The following SUMF1 variants were observed in gnomAD, a reference collection of about 807,000 sequenced individuals.
SUMF1 encodes the protein formylglycine-generating enzyme.
A neutral mutation model predicts 47.6 loss-of-function variants in SUMF1; 48 were observed. The observed-to-expected ratio is 1.01, with a 90% confidence interval of 0.80 to 1.28. The LOEUF (loss-of-function observed/expected upper bound fraction) is 1.28, where lower values mean the gene tolerates loss of function less well. SUMF1 is among the 50% of genes most tolerant of loss of function. SUMF1 has a pLI of 0.00. For missense variants in SUMF1, 571 were observed against 485.4 expected (o/e 1.18, Z -1.66); for synonymous variants, 230 against 192.1 (o/e 1.20, Z -1.63).
rs187834086 is a variant in SUMF1 at position 4,347,739 on chromosome 3, A to G, written c.1014+28591T>C. On this transcript the variant is annotated intron_variant and NMD_transcript_variant, in intron 8 of 12. Transcript: ENST00000448413. The stretch of plus-strand genomic sequence containing the variant: ...ATTCAATAGGAAGAGAGGAAGTCAG[A>G]TTGTCTCTGTTTGCAGGTGACATGA... Among the ~76,000 whole-genome samples, 735 of 152,322 alleles carry G rather than the reference A, an allele frequency of 4.8e-3. 7 individuals are homozygous for G. The highest frequency in any genetic ancestry group is 0.017 in the African/African-American group (709 of 41,566).
At chr3:4,098,560 A>T (rs1692958592) in intron 8 of SUMF1, among the ~76,000 whole-genome samples, 1 of 152,166 alleles carries the variant, frequency 6.6e-6, no homozygotes, top group African/African-American at 2.4e-5. Context: ...AAAGCAAAAG[A>T]AACTGTCTAC....
At position 4,037,992 on chromosome 3, in the gene SUMF1, G is replaced by A. The variant is rs540339539; in HGVS notation, c.1191+30577C>T. On this transcript the variant is annotated intron_variant and NMD_transcript_variant, in intron 9 of 12. Transcript: ENST00000448413. The stretch of plus-strand genomic sequence containing the variant: ...AGGTGGCACTTAGATGTAGTGGTCA[G>A]TTAGCAGGTTCTTGCTCAGTTGCTG... Among the ~76,000 whole-genome samples, 5 of 152,270 alleles carry A rather than the reference G, an allele frequency of 3.3e-5. No homozygotes were observed. In the South Asian group the frequency reaches 8.3e-4, roughly 25 times the overall value.
In SUMF1 at chr3:4,083,191, G is replaced by C. The variant is rs78847185; in HGVS notation, c.1015-14446C>G. On this transcript the variant is annotated intron_variant and NMD_transcript_variant, in intron 8 of 12. Transcript: ENST00000448413. ...ACACCTCACTTTTGATTAAGAGATC[G>C]CAAACTGACTTGTTAATATTGTAAT... Among the ~76,000 whole-genome samples the C allele has an allele frequency of 2.2e-4, 34 of 152,118 alleles. 1 individual carries two copies. The highest frequency in any genetic ancestry group is 6.5e-5 in the Admixed American group (1 of 15,270).
intron 8 of SUMF1, among the ~76,000 whole-genome samples, chr3:4,173,624 C>A (rs1694882011): frequency 6.6e-6 from 1 of 152,082 alleles, no homozygotes; most frequent in Admixed American, 6.5e-5. Flanking sequence ...GATTTGGAAC[C>A]AATCCAAATG....
intron 8 of SUMF1, among the ~76,000 whole-genome samples, chr3:4,154,741 G>A (rs1469612637): frequency 1.3e-5 from 2 of 151,548 alleles, no homozygotes; most frequent in Non-Finnish European, 2.9e-5. Flanking sequence ...TCCATAGACT[G>A]ATAATTTTTA....
intron 9 of SUMF1, among the ~76,000 whole-genome samples, chr3:4,035,808 T>C (rs1230682886): frequency 6.6e-6 from 1 of 152,166 alleles, no homozygotes; most frequent in African/African-American, 2.4e-5. Flanking sequence ...AGATAGTAGG[T>C]GTCTGGTGCA....
chr3:4,058,161 T>C (rs1025382955), intron 9 of SUMF1, among the ~76,000 whole-genome samples: 2 of 152,212 alleles, frequency 1.3e-5, no homozygotes, highest in Admixed American at 6.6e-5. Context: ...ACACAGATAG[T>C]AGATGAGCAA....
chr3:4,232,289 G>A (rs1333318474), intron 8 of SUMF1, among the ~76,000 whole-genome samples: 6 of 152,100 alleles, frequency 3.9e-5, no homozygotes, highest in Non-Finnish European at 8.8e-5. Flanking sequence ...CAAGCACGTT[G>A]TTGCCAGAAC....
chr3:4,161,953 C>A (rs1360415214), intron 8 of SUMF1, among the ~76,000 whole-genome samples: 1 of 152,082 alleles, frequency 6.6e-6, no homozygotes, highest in Non-Finnish European at 1.5e-5. Context: ...TCACCCAAGG[C>A]CCACAGCATG....
chr3:4,270,065 A>G (rs1697273089), intron 8 of SUMF1, among the ~76,000 whole-genome samples: 2 of 152,186 alleles, frequency 1.3e-5, no homozygotes, highest in South Asian at 4.1e-4. Flanking sequence ...CATTTTATGT[A>G]TAAGAAAGCC....
At chr3:4,079,575 T>C (rs2648480) in intron 8 of SUMF1, among the ~76,000 whole-genome samples, 34,283 of 151,514 alleles carry the variant, frequency 0.23, 4,720 homozygotes, top group Middle Eastern at 0.31. Flanking sequence ...TGCTTAAGTT[T>C]GCACTAAATC....
chr3:4,170,475 T>C (rs754665490), intron 8 of SUMF1, among the ~76,000 whole-genome samples: 11 of 152,120 alleles, frequency 7.2e-5, no homozygotes, highest in Non-Finnish European at 1.2e-4. Context: ...AATTTAAGCG[T>C]GATGTAAGAC....
At chr3:4,146,408 G>A (rs560824464) in intron 8 of SUMF1, among the ~76,000 whole-genome samples, 34 of 152,040 alleles carry the variant, frequency 2.2e-4, no homozygotes, top group African/African-American at 7.2e-4. Context: ...AGAGGCGAGG[G>A]GGGGAAAGGT....
At chr3:4,459,785 T>C (rs1414276850) in intron 1 of SUMF1, among the ~76,000 whole-genome samples, 1 of 152,182 alleles carries the variant, frequency 6.6e-6, no homozygotes, top group Admixed American at 6.6e-5. Flanking sequence ...TAATTGGTGT[T>C]CCTGTCTTCA....
intron 8 of SUMF1, among the ~76,000 whole-genome samples, chr3:4,097,836 C>A (rs1243540656): frequency 6.6e-6 from 1 of 152,116 alleles, no homozygotes; most frequent in Non-Finnish European, 1.5e-5. Context: ...GGACCTAAAG[C>A]TTTAGCTCCA....
intron 8 of SUMF1, among the ~76,000 whole-genome samples, chr3:4,153,549 G>C (rs1452179978): frequency 3.4e-5 from 5 of 145,860 alleles, no homozygotes; most frequent in African/African-American, 5.1e-5. Flanking sequence ...TGTATTTCCA[G>C]TTTTTCCACT....
intron 8 of SUMF1, among the ~76,000 whole-genome samples, chr3:4,136,149 A>C (rs1693923377): frequency 6.6e-6 from 1 of 152,158 alleles, no homozygotes; most frequent in Non-Finnish European, 1.5e-5. Flanking sequence ...CGGAACCAAA[A>C]AAGAGCCTGC....
chr3:4,083,381 G>C (rs140897611), intron 8 of SUMF1, among the ~76,000 whole-genome samples: 3 of 152,164 alleles, frequency 2.0e-5, no homozygotes, highest in African/African-American at 7.2e-5. Context: ...CCTGAATCCT[G>C]ATCACCACCC....
chr3:4,168,218 G>A (rs1171443856), intron 8 of SUMF1, among the ~76,000 whole-genome samples: 1 of 152,076 alleles, frequency 6.6e-6, no homozygotes, highest in African/African-American at 2.4e-5. Context: ...TGAACCTTAA[G>A]GACTACACTT....
Sources: allele counts gnomAD v4.1 joint callset (sites outside exome capture counted in the v4.1 genomes callset), GRCh38; gene constraint gnomAD v4.1.1; transcripts MANE v1.5; gene names NCBI Gene and HGNC (gene_info 2026-07-23, HGNC 2026-07-21).